TATDN2: variants seen among roughly 807,000 people sequenced by gnomAD.
The protein encoded by TATDN2 is TatD DNase domain containing 2, also known as 3'-5' RNA nuclease TATDN2.
TATDN2 carries 44 observed loss-of-function variants against 60.3 expected under a neutral mutation model. The observed-to-expected ratio is 0.73, with a 90% CI of 0.57 to 0.94. The LOEUF is 0.94. TATDN2 is among the 40% of genes least tolerant of loss of function. The pLI is 0.00. For missense variants in TATDN2, 997 were observed against 948.0 expected, an observed-to-expected ratio of 1.05 and a Z score of -0.68; for synonymous variants, 399 against 355.8, an observed-to-expected ratio of 1.12 and a Z score of -1.37.
chr3:10,276,260 AAG>A (rs901285085), intron 4 of TATDN2, 99 bp from the exon 5 acceptor site: 2 of 1,442,426 alleles, frequency 1.4e-6, no homozygotes, highest in African/African-American at 2.9e-5. Context: ...TAGTTAAAAA[AAG>A]AGAGACACAG....
intron 2 of TATDN2, among the ~76,000 whole-genome samples, chr3:10,252,679 G>A (rs1698248175): frequency 6.7e-6 from 1 of 148,940 alleles, no homozygotes; most frequent in African/African-American, 2.4e-5. Flanking sequence ...GCTCTCCTGT[G>A]TCTGCTCTGT....
intron 4 of TATDN2, among the ~76,000 whole-genome samples, chr3:10,272,684 G>T (rs559492265): frequency 6.6e-6 from 1 of 152,280 alleles, no homozygotes; most frequent in African/African-American, 2.4e-5. Flanking sequence ...GAGGCCAGGA[G>T]TTGGAGACCA....
intron 2 of TATDN2, among the ~76,000 whole-genome samples, chr3:10,258,641 T>G (rs965064997): frequency 5.3e-5 from 8 of 152,060 alleles, no homozygotes; most frequent in Non-Finnish European, 8.8e-5. Context: ...GCTTAAGTTT[T>G]GTATTTTCAG....
rs548306680 is a variant in TATDN2, at chr3:10,250,486, A to G, written c.414+872A>G. On this transcript the variant is annotated intron_variant, in intron 2 of 7. Coordinates refer to ENST00000448281, the MANE Select transcript of TATDN2 (RefSeq NM_014760.4). The stretch of plus-strand genomic sequence containing the variant: ...TGTGGAGGAGTGGAGAAACAGTCTT[A>G]TTTGGGATCAGATGGGCTGCCTCTA... 2.0e-5 allele frequency among the ~76,000 whole-genome samples: 3 copies of G among 152,148 alleles called. No individual in the cohort carries two copies. In the East Asian group the frequency reaches 5.8e-4, roughly 29 times the overall value.
In TATDN2 at chr3:10,252,752, A is replaced by G. The variant is rs560664298; in HGVS notation, c.414+3138A>G. On this transcript the variant is annotated intron_variant, in intron 2 of 7. Coordinates refer to ENST00000448281, the MANE Select transcript of TATDN2 (RefSeq NM_014760.4). ...GTCACCCAGGCTGGAGTGCACTGGCATGATCATAGCTCACTGCATCTCAAC... is the reference window on the plus strand; with the variant it reads ...GTCACCCAGGCTGGAGTGCACTGGCGTGATCATAGCTCACTGCATCTCAAC... 4.6e-3 allele frequency among the ~76,000 whole-genome samples: 692 copies of G among 149,476 alleles called. 3 individuals are homozygous for G. The highest frequency in any genetic ancestry group is 0.016 in the African/African-American group (658 of 40,562).
intron 3 of TATDN2, among the ~76,000 whole-genome samples, chr3:10,268,065 T>C (rs1698503606): frequency 6.6e-6 from 1 of 152,208 alleles, no homozygotes; most frequent in Non-Finnish European, 1.5e-5. Flanking sequence ...ACATTCAAAG[T>C]AAACAGAATA....
chr3:10,249,746 T>G, intron 2 of TATDN2, 132 bp downstream of exon 2: 1 of 1,099,622 alleles, frequency 9.1e-7, no homozygotes, highest in Non-Finnish European at 1.2e-6. Context: ...TTTCTAGAAG[T>G]CCACTCCCCC....
intron 4 of TATDN2, among the ~76,000 whole-genome samples, chr3:10,273,307 G>A (rs982272426): frequency 2.6e-4 from 40 of 151,676 alleles, no homozygotes. Context: ...CTGTTTTGAT[G>A]TAAATAAAAA....
intron 3 of TATDN2, among the ~76,000 whole-genome samples, chr3:10,268,817 G>GA (rs1242343838): frequency 2.0e-5 from 3 of 151,796 alleles, no homozygotes; most frequent in Non-Finnish European, 2.9e-5. Context: ...GACATCAGTG[G>GA]AAAAAAAATA....
chr3:10,249,516 A>T lies in TATDN2; in HGVS notation c.316A>T (p.Thr106Ser). The T allele has an allele frequency of 1.2e-6, 2 of 1,607,540 alleles. No homozygotes were observed. The highest frequency in any genetic ancestry group is 1.7e-6 in the Non-Finnish European group (2 of 1,176,890). The change falls in exon 2 of 8, where the codon ACT (threonine) becomes TCT (serine). Residue 106 changes from threonine (T) to serine (S), a missense_variant. Transcript: ENST00000448281. ...CTCCAAAGGCTGCCTGATTCGGAACACTCGGGGGTTCCTGTCTTCAGGGGG... is the reference window on the plus strand; with the variant it reads ...CTCCAAAGGCTGCCTGATTCGGAACTCTCGGGGGTTCCTGTCTTCAGGGGG... ...AASKGCLIRN[T>S]RGFLSSGGSP...
chr3:10,252,591 G>GTT (rs1254991911), intron 2 of TATDN2, among the ~76,000 whole-genome samples: 11 of 152,020 alleles, frequency 7.2e-5, no homozygotes, highest in African/African-American at 2.7e-4. Context: ...CTGGTCCTAA[G>GTT]TCCTTCAGCA....
intron 2 of TATDN2, among the ~76,000 whole-genome samples, chr3:10,257,972 T>C (rs146768860): frequency 0.18 from 26,417 of 146,228 alleles, 3,280 homozygotes; most frequent in East Asian, 0.66. Context: ...GCCATTCTCC[T>C]GCCTCACCCT....
In TATDN2 at chr3:10,248,769, C is replaced by T. The variant is rs567807796; in HGVS notation, c.-305C>T. Reference sequence around the variant, plus strand: ...CGGGCTAAGCGCCCGGCCCCGGGGCCGCGGATCCGGCAGCCATGTGTGGAT... The same window carrying T: ...CGGGCTAAGCGCCCGGCCCCGGGGCTGCGGATCCGGCAGCCATGTGTGGAT... On this transcript the variant is annotated 5_prime_UTR_variant, in exon 1 of 8. Transcript: ENST00000448281. 135 of 153,680 alleles carry T rather than the reference C, an allele frequency of 8.8e-4. No individual in the cohort carries two copies. Among genetic ancestry groups the T allele is most frequent in the Non-Finnish European group, 1.7e-3 (116 of 69,086 alleles). 9.5% of individuals were successfully genotyped at this position (153,680 alleles called of 1,614,324 possible).
At chr3:10,276,559 T>A in intron 5 of TATDN2, 71 bp downstream of exon 5, 1 of 1,586,516 alleles carries the variant, frequency 6.3e-7, no homozygotes, top group Non-Finnish European at 8.6e-7. Context: ...AGGACAGCAA[T>A]GATCGTATTC....
At chr3:10,276,952 C>CT (rs200656324) in intron 5 of TATDN2, among the ~76,000 whole-genome samples, 1,932 of 141,166 alleles carry the variant, frequency 0.014, 12 homozygotes, top group Middle Eastern at 0.034. Flanking sequence ...CATATTTGAC[C>CT]TTTTTTTTTT....
chr3:10,267,810 A>G (rs1698500034), intron 3 of TATDN2, among the ~76,000 whole-genome samples: 1 of 152,226 alleles, frequency 6.6e-6, no homozygotes, highest in Non-Finnish European at 1.5e-5. Context: ...GTTACTGTAT[A>G]TGATAAACAT....
intron 2 of TATDN2, among the ~76,000 whole-genome samples, chr3:10,253,023 A>AT (rs1349445947): frequency 6.6e-6 from 1 of 151,752 alleles, no homozygotes; most frequent in Non-Finnish European, 1.5e-5. Flanking sequence ...TGTCCGGCTA[A>AT]TTTTTTTGTA....
At chr3:10,268,161 T>C (rs2125178220) in intron 3 of TATDN2, among the ~76,000 whole-genome samples, 1 of 152,366 alleles carries the variant, frequency 6.6e-6, no homozygotes, top group Non-Finnish European at 1.5e-5. Flanking sequence ...TAGCTTGCAT[T>C]TTAGAAAAGA....
chr3:10,262,758 C>T (rs1698425435), intron 3 of TATDN2, among the ~76,000 whole-genome samples: 1 of 151,646 alleles, frequency 6.6e-6, no homozygotes. Flanking sequence ...TGGTCTCAAA[C>T]TTCTGACCTG....
Sources: allele counts gnomAD v4.1 joint callset (sites outside exome capture counted in the v4.1 genomes callset), GRCh38; gene constraint gnomAD v4.1.1; transcripts MANE v1.5; gene names NCBI Gene and HGNC (gene_info 2026-07-23, HGNC 2026-07-21).